Variants in CLIP4 observed in about 807,000 individuals in gnomAD.
The protein encoded by CLIP4 is CAP-Gly domain containing linker protein family member 4, also known as CAP-Gly domain-containing linker protein 4.
Under a neutral mutation model 73.1 loss-of-function variants are expected in CLIP4, and 47 were observed. The observed-to-expected ratio is 0.64, with a 90% CI of 0.51 to 0.82. CLIP4 has a LOEUF of 0.82. CLIP4 is among the 40% of genes least tolerant of loss of function. The pLI, the probability that CLIP4 is intolerant of heterozygous loss-of-function variation, is 0.00. For missense variants in CLIP4, 874 were observed against 852.9 expected, an observed-to-expected ratio of 1.02 and a Z score of -0.31; for synonymous variants, 306 against 295.4, an observed-to-expected ratio of 1.04 and a Z score of -0.37.
intron 8 of CLIP4, among the ~76,000 whole-genome samples, 198 bp from the exon 9 acceptor site, chr2:29,152,487 T>A (rs1666639642): frequency 6.6e-6 from 1 of 152,206 alleles, no homozygotes; most frequent in East Asian, 1.9e-4. Context: ...ATTATTGACG[T>A]GTTGTTAGTC....
chr2:29,122,515 C>A (rs1664325371), intron 2 of CLIP4, among the ~76,000 whole-genome samples: 1 of 151,962 alleles, frequency 6.6e-6, no homozygotes, highest in Admixed American at 6.6e-5. Context: ...GGAGAACAAT[C>A]ATTTTATTTT....
At chr2:29,109,870 C>T (rs529370942) in intron 1 of CLIP4, among the ~76,000 whole-genome samples, 5 of 152,094 alleles carry the variant, frequency 3.3e-5, no homozygotes, top group East Asian at 1.9e-4. Flanking sequence ...CCAGCCTGGC[C>T]GTCATAGCGA....
chr2:29,114,804 CTG>C (rs1168605396), upstream of CLIP4: 2 of 152,336 alleles, frequency 1.3e-5, no homozygotes, highest in Non-Finnish European at 1.5e-5. Flanking sequence ...AGATGTAACA[CTG>C]TTGTCTCCAT....
chr2:29,101,295 C>A (rs796900828), intron 1 of CLIP4, among the ~76,000 whole-genome samples: 271 of 120,404 alleles, frequency 2.3e-3, no homozygotes, highest in Middle Eastern at 8.4e-3. Context: ...TTCCCCCCCC[C>A]AAAACAAAAA....
chr2:29,167,326 A>G (rs1667686624), intron 13 of CLIP4, 150 bp from the exon 14 acceptor site: 12 of 456,368 alleles, frequency 2.6e-5, no homozygotes, highest in South Asian at 6.3e-5. Flanking sequence ...CTTCCATGCC[A>G]GATGGAAGTT....
At chr2:29,126,921 G>C (rs553841388) in intron 2 of CLIP4, among the ~76,000 whole-genome samples, 1 of 152,306 alleles carries the variant, frequency 6.6e-6, no homozygotes, top group Admixed American at 6.5e-5. Flanking sequence ...ATCCAGTGCA[G>C]TTTATAGGTG....
rs754774660 is a variant in CLIP4, at chr2:29,157,366, A to C, written c.1399+19A>C. On this transcript the variant is annotated intron_variant, in intron 11 of 15. Transcript: ENST00000320081. ...AGTGCTGGTATCTATGGCTTTTTCA[A>C]CCAGGCTTTCTTGGTGTTTTTTATC... 5 of 1,613,828 alleles carry C rather than the reference A, an allele frequency of 3.1e-6. No homozygotes were observed. Among genetic ancestry groups the C allele is most frequent in the Non-Finnish European group, 4.2e-6 (5 of 1,179,856 alleles).
chr2:29,145,401 A>G, intron 8 of CLIP4, 34 bp downstream of exon 8: 1 of 1,517,002 alleles, frequency 6.6e-7, no homozygotes, highest in Non-Finnish European at 9.0e-7. Flanking sequence ...GGTAAGAATT[A>G]ATTAAAAATA....
chr2:29,153,493 A>T (rs1361969838), intron 9 of CLIP4, among the ~76,000 whole-genome samples: 1 of 130,638 alleles, frequency 7.7e-6, no homozygotes, highest in African/African-American at 2.5e-5. Flanking sequence ...CTAACTTTGT[A>T]TGTGCTTTTT....
At chr2:29,160,235 G>C in intron 11 of CLIP4, 98 bp from the exon 12 acceptor site, 2 of 1,447,184 alleles carry the variant, frequency 1.4e-6, no homozygotes, top group Non-Finnish European at 1.9e-6. Flanking sequence ...AGAATACCTA[G>C]TGTGATTTTT....
chr2:29,121,495 C>T lies in CLIP4; in HGVS notation c.107C>T (p.Ser36Phe), dbSNP rs1664245007. ...ASDTPVIFSISAAPMPSDCEF... is the reference protein window; with the variant it reads ...ASDTPVIFSIFAAPMPSDCEF... ...GATACCCCAGTTATCTTTTCCATTT[C>T]TGCAGCACCAATGCCTTCAGACTGT... Residue 36 changes from serine to phenylalanine, a missense_variant, in exon 2 of 16, where the codon TCT (serine) becomes TTT (phenylalanine). Physicochemically the swap from Ser to Phe is radical, Grantham distance 155 (BLOSUM62 -2). Coordinates refer to ENST00000320081, the MANE Select transcript of CLIP4 (RefSeq NM_024692.6). 1 of 1,613,722 alleles carries T rather than the reference C, an allele frequency of 6.2e-7. No individual in the cohort carries two copies. The highest frequency in any genetic ancestry group is 1.7e-5 in the Admixed American group (1 of 60,010).
chr2:29,141,142 G>C, intron 6 of CLIP4, among the ~76,000 whole-genome samples: 1 of 152,048 alleles, frequency 6.6e-6, no homozygotes. Flanking sequence ...TGGTTTTCAA[G>C]AGCTCTTCTT....
At chr2:29,175,998 T>C (rs1443092079) in intron 15 of CLIP4, among the ~76,000 whole-genome samples, 2 of 152,188 alleles carry the variant, frequency 1.3e-5, no homozygotes, top group Admixed American at 6.5e-5. Flanking sequence ...CCTGACATCA[T>C]GATCTGCCCA....
At chr2:29,152,014 CT>C (rs1409735845) in intron 8 of CLIP4, among the ~76,000 whole-genome samples, 6 of 152,022 alleles carry the variant, frequency 3.9e-5, no homozygotes, top group Non-Finnish European at 8.8e-5. Context: ...AGGGCCAGGC[CT>C]TTTAGGAAGA....
intron 1 of CLIP4, among the ~76,000 whole-genome samples, chr2:29,099,501 CA>C (rs1372457425): frequency 6.6e-6 from 1 of 152,160 alleles, no homozygotes; most frequent in African/African-American, 2.4e-5. Flanking sequence ...CCTGTGTTAT[CA>C]GTGGACTATA....
intron 2 of CLIP4, among the ~76,000 whole-genome samples, chr2:29,127,160 A>G (rs1372340953): frequency 6.6e-6 from 1 of 152,096 alleles, no homozygotes; most frequent in East Asian, 1.9e-4. Flanking sequence ...CATTCCAGTC[A>G]GAGGTTTGAT....
intron 8 of CLIP4, among the ~76,000 whole-genome samples, chr2:29,147,086 T>A (rs886758436): frequency 6.6e-6 from 1 of 152,228 alleles, no homozygotes; most frequent in African/African-American, 2.4e-5. Context: ...CTAGTGTAAT[T>A]TCCCCAAATC....
At chr2:29,125,472 A>G (rs112973041) in intron 2 of CLIP4, among the ~76,000 whole-genome samples, 1 of 152,058 alleles carries the variant, frequency 6.6e-6, no homozygotes, top group Non-Finnish European at 1.5e-5. Flanking sequence ...GGCCGCCTCA[A>G]GTTCCCCAGA....
At chr2:29,116,900 A>G (rs1663893159) in intron 1 of CLIP4, among the ~76,000 whole-genome samples, 1 of 152,166 alleles carries the variant, frequency 6.6e-6, no homozygotes. Context: ...AAAGTGACCT[A>G]TGTTGTCTCT....
Sources: allele counts gnomAD v4.1 joint callset (sites outside exome capture counted in the v4.1 genomes callset), GRCh38; gene constraint gnomAD v4.1.1; transcripts MANE v1.5; gene names NCBI Gene and HGNC (gene_info 2026-07-23, HGNC 2026-07-21).